Variants in EEA1 observed in about 807,000 individuals in gnomAD.
EEA1 encodes the protein early endosome antigen 1, 162kD.
Under a neutral mutation model 209.2 loss-of-function variants are expected in EEA1, and 111 were observed. That is an observed-to-expected ratio of 0.53 (90% CI 0.45 to 0.62). The LOEUF (loss-of-function observed/expected upper bound fraction) is 0.62, where lower values mean the gene tolerates loss of function less well. Ranked by LOEUF, EEA1 falls within the 20% of genes least tolerant of loss-of-function variation. The probability of loss-of-function intolerance (pLI) is 0.00; values close to 1 mark genes in which losing one functional copy is unlikely to be tolerated. For missense variants in EEA1, 1,343 were observed against 1,530.8 expected, an observed-to-expected ratio of 0.88 and a Z score of 2.05; for synonymous variants, 536 against 540.6, an observed-to-expected ratio of 0.99 and a Z score of 0.12.
At chr12:92,905,028 G>A (rs1880314082) in intron 1 of EEA1, among the ~76,000 whole-genome samples, 1 of 152,102 alleles carries the variant, frequency 6.6e-6, no homozygotes, top group Admixed American at 6.6e-5. Flanking sequence ...TTAATCTTGT[G>A]GCTAGTGTCT....
At chr12:92,797,404 T>C (rs909225924) in intron 21 of EEA1, among the ~76,000 whole-genome samples, 1 of 152,176 alleles carries the variant, frequency 6.6e-6, no homozygotes, top group African/African-American at 2.4e-5. Context: ...GTATTATTTT[T>C]TAATACTGTA....
chr12:92,854,427 G>A (rs1301632090), intron 5 of EEA1, among the ~76,000 whole-genome samples: 9 of 152,138 alleles, frequency 5.9e-5, no homozygotes, highest in Non-Finnish European at 1.3e-4. Context: ...CTCCGCTCAA[G>A]CATGTAATAC....
intron 1 of EEA1, among the ~76,000 whole-genome samples, chr12:92,909,890 C>A (rs1009560672): frequency 7.9e-5 from 12 of 152,126 alleles, no homozygotes; most frequent in African/African-American, 2.9e-4. Context: ...CGCCTGTAAT[C>A]CCAGCACTTT....
intron 2 of EEA1, among the ~76,000 whole-genome samples, chr12:92,872,701 C>G (rs917396161): frequency 1.3e-5 from 2 of 152,132 alleles, no homozygotes; most frequent in African/African-American, 2.4e-5. Flanking sequence ...GCCTGCATCC[C>G]CAGCACTTTG....
intron 1 of EEA1, among the ~76,000 whole-genome samples, chr12:92,913,861 A>G (rs1476890354): frequency 6.6e-6 from 1 of 152,088 alleles, no homozygotes; most frequent in Non-Finnish European, 1.5e-5. Context: ...TGGTTTCACT[A>G]TGTTGGCCAG....
intron 2 of EEA1, among the ~76,000 whole-genome samples, chr12:92,880,492 G>C (rs1879088721): frequency 6.6e-6 from 1 of 151,752 alleles, no homozygotes; most frequent in African/African-American, 2.4e-5. Context: ...TGTTGTTGGA[G>C]GGGGCGGAGT....
intron 1 of EEA1, among the ~76,000 whole-genome samples, chr12:92,910,100 G>A (rs909585765): frequency 2.8e-4 from 43 of 152,148 alleles, no homozygotes; most frequent in African/African-American, 7.5e-4. Context: ...CCAAGATCAC[G>A]CCACTGCACT....
intron 1 of EEA1, among the ~76,000 whole-genome samples, chr12:92,908,064 T>G (rs1403926861): frequency 6.9e-6 from 1 of 145,958 alleles, no homozygotes; most frequent in South Asian, 2.1e-4. Context: ...AGCTAAAACA[T>G]GTAAATAATC....
intron 16 of EEA1, 110 bp from the exon 17 acceptor site, chr12:92,811,544 A>G: frequency 1.4e-6 from 1 of 693,022 alleles, no homozygotes; most frequent in Non-Finnish European, 2.1e-6. Context: ...AAATATTTGG[A>G]GTAAGAGCTC....
chr12:92,850,253 C>G (rs1323661793), intron 9 of EEA1, among the ~76,000 whole-genome samples: 1 of 152,148 alleles, frequency 6.6e-6, no homozygotes, highest in Non-Finnish European at 1.5e-5. Flanking sequence ...ATAAAATAGA[C>G]TTAGGAAGAA....
At chr12:92,886,498 G>A in intron 2 of EEA1, among the ~76,000 whole-genome samples, 1 of 51,282 alleles carries the variant, frequency 1.9e-5, no homozygotes, top group Non-Finnish European at 3.9e-5. Context: ...AGAGGGGAGG[G>A]GAGGGGAAGG....
At chr12:92,861,210 C>T (rs1257041759) in intron 3 of EEA1, among the ~76,000 whole-genome samples, 3 of 152,184 alleles carry the variant, frequency 2.0e-5, no homozygotes, top group African/African-American at 7.2e-5. Context: ...AATCCCAGCA[C>T]TTTGGAAGGC....
chr12:92,783,932 G>A (rs375913381), intron 22 of EEA1, among the ~76,000 whole-genome samples: 4 of 151,748 alleles, frequency 2.6e-5, no homozygotes, highest in African/African-American at 9.7e-5. Flanking sequence ...AAAAAAGAAA[G>A]ATGAAATAAA....
In EEA1 at chr12:92,781,842, CT is replaced by C. The variant is rs1368787641; in HGVS notation, c.3336+107del. On this transcript the variant is annotated intron_variant, in intron 23 of 28. Coordinates refer to ENST00000322349, the MANE Select transcript of EEA1 (RefSeq NM_003566.4). ...GAAACTAGAGGTCCCTCTGAGAGAG[CT>C]GTTGAAAATAAGGATGATGCCTGTA... 6 of 924,206 alleles carry C rather than the reference CT, an allele frequency of 6.5e-6. No individual in the cohort carries two copies. In the African/African-American group the frequency reaches 8.4e-5, roughly 13 times the overall value. The allele number at this position is 924,206 out of a possible 1,614,324, so 57.3% of individuals were successfully genotyped here.
chr12:92,780,459 A>C, intron 23 of EEA1, 48 bp from the exon 24 acceptor site: 3 of 1,275,312 alleles, frequency 2.4e-6, no homozygotes, highest in Non-Finnish European at 3.2e-6. Flanking sequence ...CAAATACTTA[A>C]ATGAAAATGG....
chr12:92,832,175 A>G (rs1876682680), intron 11 of EEA1, among the ~76,000 whole-genome samples: 1 of 152,136 alleles, frequency 6.6e-6, no homozygotes, highest in African/African-American at 2.4e-5. Flanking sequence ...TAACAAAAAA[A>G]TTTCAAATGA....
chr12:92,807,269 T>A (rs1174920123), intron 18 of EEA1, among the ~76,000 whole-genome samples: 1 of 151,964 alleles, frequency 6.6e-6, no homozygotes, highest in Non-Finnish European at 1.5e-5. Flanking sequence ...TTTTTATATA[T>A]AACTAGGTAT....
At chr12:92,892,826 C>A (rs1327731206) in intron 1 of EEA1, among the ~76,000 whole-genome samples, 1 of 152,098 alleles carries the variant, frequency 6.6e-6, no homozygotes, top group African/African-American at 2.4e-5. Context: ...AACGGGGTTT[C>A]ACCATGTTGG....
chr12:92,801,649 G>A lies in EEA1; in HGVS notation c.2723C>T (p.Thr908Ile). 1 of 1,595,242 alleles carries A rather than the reference G, an allele frequency of 6.3e-7. No individual in the cohort carries two copies. The highest frequency in any genetic ancestry group is 8.5e-7 in the Non-Finnish European group (1 of 1,173,100). ...KHQLQVQMEN[T>I]LKEQKELKKS... is the part of the protein sequence containing the mutation. ...TTTCAGTTCCTTCTGTTCCTTAAGTGTGTTTTCCATCTGCACTTGAAGTTG... is the reference window on the plus strand; with the variant it reads ...TTTCAGTTCCTTCTGTTCCTTAAGTATGTTTTCCATCTGCACTTGAAGTTG... Residue 908 changes from threonine to isoleucine, a missense_variant, in exon 20 of 29, where the codon ACA becomes ATA. Thr to Ile is a moderately conservative substitution (Grantham distance 89). This residue lies in a region of EEA1 where 1,307 missense variants were observed against 1,465.5 expected (regional missense o/e 0.89). Transcript: ENST00000322349.
Sources: allele counts gnomAD v4.1 joint callset (sites outside exome capture counted in the v4.1 genomes callset), GRCh38; gene constraint gnomAD v4.1.1; regional missense constraint gnomAD v4.1.1; transcripts MANE v1.5; gene names NCBI Gene and HGNC (gene_info 2026-07-23, HGNC 2026-07-21).